Variants in PLCB1 observed in about 807,000 individuals in gnomAD.
PLCB1 encodes the protein 1-phosphatidylinositol 4,5-bisphosphate phosphodiesterase beta-1.
Under a neutral mutation model 161.8 loss-of-function variants are expected in PLCB1, and 46 were observed. That is an observed-to-expected ratio of 0.28 (90% confidence interval 0.22 to 0.36). The LOEUF is 0.36. Ranked by LOEUF, PLCB1 falls within the 10% of genes least tolerant of loss-of-function variation. PLCB1 has a pLI of 1.00. For synonymous variants in PLCB1, 517 were observed against 503.7 expected (o/e 1.03, Z -0.35); for missense variants, 1,016 against 1,472.5 (o/e 0.69, Z 5.07).
At chr20:8,838,054 G>A (rs1408592962) in intron 31 of PLCB1, among the ~76,000 whole-genome samples, 1 of 132,214 alleles carries the variant, frequency 7.6e-6, no homozygotes, top group African/African-American at 2.9e-5. Context: ...TCTGTAAGCT[G>A]AAAATTTCTA....
At position 8,594,893 on chromosome 20, in the gene PLCB1, C is replaced by T. The variant is rs186586412; in HGVS notation, c.247-33401C>T. ...TACCCAAATTAGGTGTTTAAAAAGG[C>T]ATTTCTTAAAGGAATAAATCATTTT... On this transcript the variant is annotated intron_variant, in intron 3 of 31. Transcript: ENST00000338037. Among the ~76,000 whole-genome samples, 155 of 152,176 alleles carry T rather than the reference C, an allele frequency of 1.0e-3. 3 individuals are homozygous for T. The highest frequency in any genetic ancestry group is 6.9e-4 in the Non-Finnish European group (47 of 67,996).
At chr20:8,840,099 TC>T (rs1173420790) in intron 31 of PLCB1, among the ~76,000 whole-genome samples, 2 of 152,114 alleles carry the variant, frequency 1.3e-5, no homozygotes, top group African/African-American at 4.8e-5. Context: ...GTTGTTTTTT[TC>T]TCACATATTT....
chr20:8,881,477 T>A (rs1396176675), intron 31 of PLCB1, 145 bp from the exon 32 acceptor site: 14 of 672,580 alleles, frequency 2.1e-5, no homozygotes, highest in Non-Finnish European at 3.7e-5. Context: ...CTTTGTTACA[T>A]CTCCTCTATA....
chr20:8,808,553 A>G (rs1183185972), intron 31 of PLCB1, among the ~76,000 whole-genome samples: 2 of 152,176 alleles, frequency 1.3e-5, no homozygotes, highest in African/African-American at 4.8e-5. Flanking sequence ...TCAGTCCATA[A>G]AGGAAGTATA....
chr20:8,145,177 G>A (rs1036433154), intron 1 of PLCB1, among the ~76,000 whole-genome samples: 3 of 152,180 alleles, frequency 2.0e-5, no homozygotes, highest in African/African-American at 7.2e-5. Context: ...GCTGAGGGCC[G>A]TGAGGGAAGG....
intron 9 of PLCB1, among the ~76,000 whole-genome samples, chr20:8,682,605 T>G (rs915731500): frequency 2.6e-5 from 4 of 152,222 alleles, no homozygotes; most frequent in Non-Finnish European, 4.4e-5. Context: ...AAAAGATTTT[T>G]ACTGTGGTAA....
intron 2 of PLCB1, among the ~76,000 whole-genome samples, chr20:8,156,288 A>G (rs987155057): frequency 6.6e-6 from 1 of 152,164 alleles, no homozygotes; most frequent in African/African-American, 2.4e-5. Context: ...TCTTTATATT[A>G]TATCCCAGAA....
chr20:8,293,705 A>T (rs1338847939), intron 2 of PLCB1, among the ~76,000 whole-genome samples: 1 of 152,064 alleles, frequency 6.6e-6, no homozygotes, highest in Non-Finnish European at 1.5e-5. Flanking sequence ...AATTATTTTG[A>T]CCTCAGGGAC....
intron 2 of PLCB1, among the ~76,000 whole-genome samples, chr20:8,235,508 T>C (rs1489041220): frequency 6.6e-6 from 1 of 152,112 alleles, no homozygotes; most frequent in Non-Finnish European, 1.5e-5. Context: ...AAAAATCTCT[T>C]ACAAATTAGA....
At chr20:8,872,303 C>A (rs1032766465) in intron 31 of PLCB1, among the ~76,000 whole-genome samples, 1 of 152,192 alleles carries the variant, frequency 6.6e-6, no homozygotes, top group African/African-American at 2.4e-5. Context: ...CTGTATTCTT[C>A]TACATTGGCA....
chr20:8,202,512 G>A (rs1364462295), intron 2 of PLCB1, among the ~76,000 whole-genome samples: 4 of 152,200 alleles, frequency 2.6e-5, no homozygotes, highest in African/African-American at 9.7e-5. Flanking sequence ...TGTTTCTACA[G>A]TGATATCTAT....
chr20:8,176,431 T>G (rs747671408), intron 2 of PLCB1, among the ~76,000 whole-genome samples: 1 of 152,172 alleles, frequency 6.6e-6, no homozygotes, highest in African/African-American at 2.4e-5. Context: ...AGTTTTGCAA[T>G]GGCAAAATTT....
intron 2 of PLCB1, among the ~76,000 whole-genome samples, chr20:8,270,340 TG>T (rs1290062300): frequency 6.6e-6 from 1 of 152,138 alleles, no homozygotes; most frequent in Non-Finnish European, 1.5e-5. Flanking sequence ...ACTTTCTTTT[TG>T]GTTCAAAAAT....
At chr20:8,596,830 T>G (rs1987366894) in intron 3 of PLCB1, among the ~76,000 whole-genome samples, 1 of 148,380 alleles carries the variant, frequency 6.7e-6, no homozygotes, top group South Asian at 2.2e-4. Context: ...CCCTTGTAAG[T>G]TGGATTCCTA....
intron 27 of PLCB1, among the ~76,000 whole-genome samples, chr20:8,784,349 G>C (rs1309651960): frequency 1.3e-5 from 2 of 152,104 alleles, no homozygotes; most frequent in South Asian, 2.1e-4. Flanking sequence ...GATCACGTGA[G>C]GTCAGGAGTT....
At chr20:8,221,593 C>G (rs1057195664) in intron 2 of PLCB1, among the ~76,000 whole-genome samples, 1 of 152,132 alleles carries the variant, frequency 6.6e-6, no homozygotes, top group African/African-American at 2.4e-5. Flanking sequence ...ATGAACACGT[C>G]AGATTCATCT....
intron 31 of PLCB1, among the ~76,000 whole-genome samples, chr20:8,848,328 T>G (rs1224238080): frequency 1.3e-5 from 2 of 151,916 alleles, no homozygotes; most frequent in African/African-American, 2.4e-5. Context: ...TATTTAAGAG[T>G]TTTTATAACT....
intron 2 of PLCB1, among the ~76,000 whole-genome samples, chr20:8,334,667 G>A (rs1985503021): frequency 1.3e-5 from 2 of 152,146 alleles, no homozygotes; most frequent in Non-Finnish European, 2.9e-5. Context: ...TTTAATTCCA[G>A]TCACTTCTTG....
chr20:8,552,044 T>C (rs1985793565), intron 3 of PLCB1, among the ~76,000 whole-genome samples: 2 of 152,168 alleles, frequency 1.3e-5, no homozygotes, highest in South Asian at 2.1e-4. Flanking sequence ...AGTGCTTTTA[T>C]GCTTGTTTGC....
Sources: gnomAD v4.1 joint callset for allele counts (sites outside exome capture counted in the v4.1 genomes callset) on GRCh38, gnomAD v4.1.1 for gene constraint, MANE v1.5 for transcripts, NCBI Gene and HGNC (gene_info 2026-07-23, HGNC 2026-07-21) for gene names.